TNRC6B: variants seen among roughly 807,000 people sequenced by gnomAD.
TNRC6B encodes trinucleotide repeat containing adaptor 6B, also known as trinucleotide repeat-containing gene 6B protein.
A neutral mutation model predicts 203.6 loss-of-function variants in TNRC6B; 52 were observed. The observed-to-expected ratio is 0.26, with a 90% confidence interval of 0.20 to 0.32. The LOEUF is 0.32. TNRC6B is among the 10% of genes least tolerant of loss of function. The pLI is 1.00. For missense variants in TNRC6B, 1,923 were observed against 2,286.2 expected (o/e 0.84, Z 3.24); for synonymous variants, 838 against 845.7 (o/e 0.99, Z 0.16).
chr22:40,219,606 G>C (rs1251292645), intron 1 of TNRC6B, among the ~76,000 whole-genome samples: 4 of 152,068 alleles, frequency 2.6e-5, no homozygotes, highest in East Asian at 3.9e-4. Flanking sequence ...TGGTGTCCGT[G>C]GTGGCCACCC....
chr22:40,074,691 A>G (rs1648838519), intron 1 of TNRC6B, among the ~76,000 whole-genome samples: 1 of 151,958 alleles, frequency 6.6e-6, no homozygotes, highest in South Asian at 2.1e-4. Context: ...AGGCAGGAGA[A>G]TGGTGTGAAC....
At chr22:40,179,977 C>T (rs2069111353) in intron 1 of TNRC6B, among the ~76,000 whole-genome samples, 1 of 152,124 alleles carries the variant, frequency 6.6e-6, no homozygotes. Context: ...GTAATAAATA[C>T]AGAAGTGACT....
At position 40,081,577 on chromosome 22, in the gene TNRC6B, C is replaced by T. The variant is rs530598017; in HGVS notation, c.-120-35478C>T. On this transcript the variant is annotated intron_variant, in intron 1 of 23. Coordinates refer to the TNRC6B transcript ENST00000301923. ...GAATTAGATAACCTAAGTGCTCAAC[C>T]TGGCTTTGCCACTTTCCAGCTTTGT... 1.8e-3 allele frequency among the ~76,000 whole-genome samples: 277 copies of T among 152,296 alleles called. 1 individual carries two copies. Among genetic ancestry groups the T allele is most frequent in the Middle Eastern group, 6.8e-3 (2 of 294 alleles).
At chr22:40,270,381 G>A (rs2070544962) in intron 6 of TNRC6B, 101 bp downstream of exon 6, 14 of 1,162,706 alleles carry the variant, frequency 1.2e-5, no homozygotes, top group African/African-American at 1.6e-5. Context: ...GTGCAGTGGT[G>A]CAATTTCGGC....
In TNRC6B at chr22:40,273,729, G is replaced by A. The variant is rs2070598106; in HGVS notation, c.3141+129G>A. The A allele has an allele frequency of 1.1e-5, 11 of 1,021,652 alleles. No homozygotes were observed. The South Asian group carries it at 1.8e-4, about 16-fold the overall frequency. 63.3% of individuals were successfully genotyped at this position (1,021,652 alleles called of 1,614,324 possible). A position where few individuals can be genotyped will look rare whatever the true frequency, so the allele number is the denominator to read the frequency against. ...ACCCAGACTGGAGTGCAGTGGGACA[G>A]TCACGACTCGCTGAGCAACCTCCTG... On this transcript the variant is annotated intron_variant, in intron 7 of 22. Transcript: ENST00000454349.
At chr22:40,314,263 C>A (rs990865953) in intron 19 of TNRC6B, among the ~76,000 whole-genome samples, 1 of 152,092 alleles carries the variant, frequency 6.6e-6, no homozygotes, top group Non-Finnish European at 1.5e-5. Flanking sequence ...AGTTACAAAA[C>A]CTCAGTATTT....
At chr22:40,136,371 T>TTGTG (rs56246561) in intron 3 of TNRC6B, among the ~76,000 whole-genome samples, 1,917 of 141,042 alleles carry the variant, frequency 0.014, 24 homozygotes, top group Middle Eastern at 0.036. Flanking sequence ...TATGTTTATC[T>TTGTG]TGTGTGTGTG....
At chr22:40,230,023 A>C (rs2146448636) in intron 1 of TNRC6B, among the ~76,000 whole-genome samples, 1 of 152,332 alleles carries the variant, frequency 6.6e-6, no homozygotes, top group East Asian at 1.9e-4. Context: ...TTAGCTTTTT[A>C]AGAAACTGCC....
intron 14 of TNRC6B, 60 bp from the exon 15 acceptor site, chr22:40,301,090 G>C (rs775157891): frequency 1.1e-4 from 170 of 1,559,728 alleles, no homozygotes; most frequent in Admixed American, 1.4e-4. Flanking sequence ...ACCGGGCACA[G>C]TCTTTTCCTG....
rs1210850142 is a variant in TNRC6B, at chr22:40,330,115, C to T, written c.*6874C>T. 1 of 152,182 alleles carries T rather than the reference C, an allele frequency of 6.6e-6. No homozygotes were observed. The highest frequency in any genetic ancestry group is 6.5e-5 in the Admixed American group (1 of 15,278). The allele number at this position is 152,182 out of a possible 1,614,324, so 9.4% of individuals were successfully genotyped here. ...TTCATTTTTAAACTGTAAATCATTG[C>T]TTTGGAAATAAATTCCCAATTATAA... On this transcript the variant is annotated 3_prime_UTR_variant, in exon 23 of 23. Transcript: ENST00000454349.
At chr22:40,061,572 T>A (rs2067853028) in intron 1 of TNRC6B, among the ~76,000 whole-genome samples, 1 of 152,116 alleles carries the variant, frequency 6.6e-6, no homozygotes, top group South Asian at 2.1e-4. Context: ...GTTGGTAGTA[T>A]CTTTACTAGT....
At chr22:40,292,062 C>T (rs999157436) in intron 12 of TNRC6B, among the ~76,000 whole-genome samples, 1 of 152,192 alleles carries the variant, frequency 6.6e-6, no homozygotes, top group African/African-American at 2.4e-5. Flanking sequence ...GGTGTGGTGG[C>T]AGGCGTCTGT....
In TNRC6B at chr22:40,331,690, TGTG is replaced by T. The variant is rs1351380943; in HGVS notation, c.*8452_*8454del. 4.6e-6 allele frequency: 1 copy of T among 216,530 alleles called. No homozygotes were observed. The highest frequency in any genetic ancestry group is 8.6e-6 in the Non-Finnish European group (1 of 116,188). The allele number at this position is 216,530 out of a possible 1,614,324, so 13.4% of individuals were successfully genotyped here. A position where few individuals can be genotyped will look rare whatever the true frequency, so the allele number is the denominator to read the frequency against. ...TTTTTTCAAAAAAAAAAGTCCCACA[TGTG>T]GTCATCGTCGCTTCTTTATGTTGTA... On this transcript the variant is annotated 3_prime_UTR_variant, in exon 23 of 23. Coordinates refer to ENST00000454349, the MANE Select transcript of TNRC6B (RefSeq NM_001162501.2).
At chr22:40,267,428 T>C (rs1367508677) in intron 5 of TNRC6B, among the ~76,000 whole-genome samples, 2 of 152,220 alleles carry the variant, frequency 1.3e-5, no homozygotes, top group African/African-American at 4.8e-5. Flanking sequence ...TCTCTGCTTC[T>C]GTTTCCCCAG....
chr22:40,316,427 A>T (rs963457784), intron 21 of TNRC6B, among the ~76,000 whole-genome samples: 3 of 151,962 alleles, frequency 2.0e-5, no homozygotes, highest in Non-Finnish European at 4.4e-5. Context: ...GCACCTTGGG[A>T]GGCCAAGGCG....
chr22:40,107,136 T>C (rs532111240), intron 1 of TNRC6B: 20 of 590,426 alleles, frequency 3.4e-5, no homozygotes, highest in Admixed American at 6.3e-5. Context: ...GTAGTCATGT[T>C]TGTCAGGTTT....
Position 40,332,232 on chromosome 22 carries a change from A to AAC in TNRC6B, c.*8991_*8992insAC, listed in dbSNP as rs2043990548. On this transcript the variant is annotated 3_prime_UTR_variant, in exon 23 of 23. Transcript: ENST00000454349. Reference sequence around the variant, plus strand: ...TGTTTAAGTGAACTTACTCTTAGTTATAAGGAACTGTCCTGCTTTGTGGGG... The same window carrying AAC: ...TGTTTAAGTGAACTTACTCTTAGTTAACTAAGGAACTGTCCTGCTTTGTGGGG... 1 of 152,478 alleles carries AAC rather than the reference A, an allele frequency of 6.6e-6. No homozygotes were observed. Among genetic ancestry groups the AAC allele is most frequent in the South Asian group, 2.1e-4 (1 of 4,828 alleles). 9.4% of individuals were successfully genotyped at this position (152,478 alleles called of 1,614,324 possible).
chr22:40,182,871 A>G (rs138729509), intron 1 of TNRC6B, among the ~76,000 whole-genome samples: 1,808 of 152,292 alleles, frequency 0.012, 17 homozygotes, highest in Non-Finnish European at 0.018. Context: ...TATCTTTTGC[A>G]TTACCTCTGA....
Position 40,315,290 on chromosome 22 carries a change from C to G in TNRC6B, c.4686C>G (p.Phe1562Leu). Residue 1562 changes from phenylalanine to leucine, a missense_variant, in exon 20 of 23, where the codon TTC (phenylalanine) becomes TTG (leucine). Transcript: ENST00000454349. ...FTNVHSTSAK[F>L]PDYKSTWSPD... ...AATTTTCTCTTCTTACAGCAAAGTT[C>G]CCTGATTACAAATCAACATGGTCCC... 1 of 1,613,786 alleles carries G rather than the reference C, an allele frequency of 6.2e-7. No homozygotes were observed. The highest frequency in any genetic ancestry group is 8.5e-7 in the Non-Finnish European group (1 of 1,179,720).
Sources: allele counts gnomAD v4.1 joint callset (sites outside exome capture counted in the v4.1 genomes callset), GRCh38; gene constraint gnomAD v4.1.1; transcripts MANE v1.5; gene names NCBI Gene and HGNC (gene_info 2026-07-23, HGNC 2026-07-21).